Variants in HOMER2 observed in about 807,000 individuals in gnomAD.
HOMER2 encodes the protein homer protein homolog 2.
HOMER2 carries 27 observed loss-of-function variants against 47.0 expected under a neutral mutation model. That is an observed-to-expected ratio of 0.57 (90% confidence interval 0.42 to 0.79). HOMER2 has a LOEUF of 0.79. Ranked by LOEUF, HOMER2 falls within the 30% of genes least tolerant of loss-of-function variation. HOMER2 has a pLI of 0.00. For synonymous variants in HOMER2, 161 were observed against 163.8 expected (o/e 0.98, Z 0.13); for missense variants, 443 against 435.0 (o/e 1.02, Z -0.16).
chr15:82,959,950 C>T (rs377219144), intron 1 of HOMER2, among the ~76,000 whole-genome samples: 1 of 152,164 alleles, frequency 6.6e-6, no homozygotes, highest in Non-Finnish European at 1.5e-5. Flanking sequence ...ATTCTGAAGT[C>T]GCCTAACTTT....
chr15:82,870,991 C>T (rs898483889), intron 3 of HOMER2, among the ~76,000 whole-genome samples: 3 of 152,236 alleles, frequency 2.0e-5, no homozygotes, highest in African/African-American at 7.2e-5. Flanking sequence ...ACCACTGGCT[C>T]ATTCTTATAT....
chr15:82,844,509 G>A (rs944260296), downstream of HOMER2: 2 of 152,070 alleles, frequency 1.3e-5, no homozygotes, highest in African/African-American at 4.8e-5. Context: ...TGTATAATAT[G>A]ATTATATTTC....
intron 1 of HOMER2, among the ~76,000 whole-genome samples, chr15:82,902,043 T>C (rs1043137441): frequency 2.6e-5 from 4 of 152,186 alleles, no homozygotes; most frequent in Non-Finnish European, 4.4e-5. Context: ...TCAACATATA[T>C]TTGTGATTTT....
chr15:82,903,892 T>C (rs2053208348), intron 1 of HOMER2, among the ~76,000 whole-genome samples: 1 of 151,788 alleles, frequency 6.6e-6, no homozygotes, highest in African/African-American at 2.4e-5. Context: ...ATCCCAACAC[T>C]TTGGGAGGCC....
At chr15:82,891,878 G>A (rs6603035) in intron 2 of HOMER2, among the ~76,000 whole-genome samples, 60,440 of 151,752 alleles carry the variant, frequency 0.4, 12,311 homozygotes, top group East Asian at 0.6. Context: ...TGGTTTAGAG[G>A]ACAAAAAGGG....
At chr15:82,957,171 G>A (rs1443143619), upstream of HOMER2, among the ~76,000 whole-genome samples, 1 of 152,058 alleles carries the variant, frequency 6.6e-6, no homozygotes, top group African/African-American at 2.4e-5. Flanking sequence ...CAGCTACTCG[G>A]GAGGCTGAGG....
At chr15:82,876,483 T>A (rs1199749003) in intron 2 of HOMER2, among the ~76,000 whole-genome samples, 2 of 152,128 alleles carry the variant, frequency 1.3e-5, no homozygotes, top group African/African-American at 4.8e-5. Flanking sequence ...TTATAAAATA[T>A]CAACAATGGC....
At chr15:82,904,061 C>CG (rs2053215122) in intron 1 of HOMER2, among the ~76,000 whole-genome samples, 1 of 151,898 alleles carries the variant, frequency 6.6e-6, no homozygotes, top group South Asian at 2.1e-4. Context: ...CGCTTGGGCC[C>CG]GGGAGGTGGA....
intron 1 of HOMER2, among the ~76,000 whole-genome samples, chr15:82,965,123 G>A (rs1325967897): frequency 6.6e-6 from 1 of 152,064 alleles, no homozygotes; most frequent in Admixed American, 6.6e-5. Context: ...GGGCTCAAGG[G>A]ATCCTCCTGC....
chr15:82,884,696 CTGT>C (rs2052596543), intron 2 of HOMER2, among the ~76,000 whole-genome samples: 1 of 78,004 alleles, frequency 1.3e-5, no homozygotes, highest in Admixed American at 1.4e-4. Context: ...GGCTCTCTGT[CTGT>C]TGTTGGTGTA....
At chr15:82,870,499 T>C (rs1248177760) in intron 3 of HOMER2, among the ~76,000 whole-genome samples, 5 of 152,204 alleles carry the variant, frequency 3.3e-5, no homozygotes, top group African/African-American at 9.6e-5. Flanking sequence ...ATGCAGATTG[T>C]CAGACCCAAC....
intron 1 of HOMER2, among the ~76,000 whole-genome samples, chr15:82,901,022 T>C (rs569642074): frequency 6.6e-6 from 1 of 152,288 alleles, no homozygotes. Context: ...GACACTACCT[T>C]ATTTCCTAGA....
intron 2 of HOMER2, 56 bp downstream of exon 2, chr15:82,892,629 A>C (rs957950858): frequency 1.1e-4 from 145 of 1,372,234 alleles, no homozygotes; most frequent in African/African-American, 2.1e-4. Context: ...TTTTGGGTGC[A>C]TCTTGGATGA....
At chr15:82,858,105 C>A (rs1231628758) in intron 5 of HOMER2, among the ~76,000 whole-genome samples, 1 of 152,146 alleles carries the variant, frequency 6.6e-6, no homozygotes, top group Non-Finnish European at 1.5e-5. Context: ...GTTTGCTTCA[C>A]ATAGATCTTG....
intron 3 of HOMER2, among the ~76,000 whole-genome samples, chr15:82,867,415 A>C (rs2052009724): frequency 6.6e-6 from 1 of 152,122 alleles, no homozygotes; most frequent in Non-Finnish European, 1.5e-5. Context: ...CCTTGGGAAA[A>C]TATCTATAGC....
chr15:82,910,094 C>T (rs1000118384), intron 1 of HOMER2, among the ~76,000 whole-genome samples: 5 of 127,664 alleles, frequency 3.9e-5, no homozygotes, highest in Non-Finnish European at 7.7e-5. Context: ...GATCATGCTA[C>T]TGCACTCCAG....
intron 3 of HOMER2, among the ~76,000 whole-genome samples, chr15:82,873,419 G>A (rs1283017699): frequency 6.6e-6 from 1 of 152,186 alleles, no homozygotes; most frequent in Non-Finnish European, 1.5e-5. Context: ...CTCTGCATAT[G>A]AAGTGAAGCA....
chr15:82,895,644 A>ATGGGC (rs1427943268), intron 1 of HOMER2, among the ~76,000 whole-genome samples: 3 of 152,230 alleles, frequency 2.0e-5, no homozygotes, highest in Non-Finnish European at 2.9e-5. Flanking sequence ...AGAGCACTAA[A>ATGGGC]TGGGCTGGGC....
At chr15:82,981,033 C>G (rs917832053) in intron 1 of HOMER2, among the ~76,000 whole-genome samples, 1 of 151,960 alleles carries the variant, frequency 6.6e-6, no homozygotes, top group African/African-American at 2.4e-5. Context: ...GAAATTTGAG[C>G]AAGTGTGGGG....
Sources: allele counts gnomAD v4.1 joint callset (sites outside exome capture counted in the v4.1 genomes callset), GRCh38; gene constraint gnomAD v4.1.1; transcripts MANE v1.5; gene names NCBI Gene and HGNC (gene_info 2026-07-23, HGNC 2026-07-21).